Variants in PIAS1 observed in about 807,000 individuals in gnomAD.
PIAS1 encodes protein inhibitor of activated STAT 1.
Under a neutral mutation model 71.3 loss-of-function variants are expected in PIAS1, and 6 were observed. That is an observed-to-expected ratio of 0.08 (90% CI 0.05 to 0.17). The LOEUF is 0.17. PIAS1 is among the 10% of genes least tolerant of loss of function. The pLI is 1.00. For missense variants in PIAS1, 555 were observed against 793.6 expected (o/e 0.70, Z 3.61); for synonymous variants, 303 against 292.9 (o/e 1.03, Z -0.35).
intron 2 of PIAS1, among the ~76,000 whole-genome samples, chr15:68,106,926 A>G (rs1396048271): frequency 6.6e-6 from 1 of 152,194 alleles, no homozygotes; most frequent in African/African-American, 2.4e-5. Context: ...GGTTATATTT[A>G]GGGGCCACAT....
chr15:68,179,564 C>CTTTGTTTTTTTT (rs2093040146), intron 11 of PIAS1, among the ~76,000 whole-genome samples: 1 of 40,094 alleles, frequency 2.5e-5, no homozygotes, highest in Non-Finnish European at 4.4e-5. Flanking sequence ...GTGAAATGTT[C>CTTTGTTTTTTTT]TTTTTTTTTT....
chr15:68,111,264 A>G (rs2092520863), intron 2 of PIAS1, among the ~76,000 whole-genome samples: 1 of 152,186 alleles, frequency 6.6e-6, no homozygotes, highest in African/African-American at 2.4e-5. Flanking sequence ...TTCTGTGGTC[A>G]GAGGTAAGGG....
At chr15:68,077,829 C>T (rs1381935234) in intron 1 of PIAS1, among the ~76,000 whole-genome samples, 1 of 152,220 alleles carries the variant, frequency 6.6e-6, no homozygotes, top group African/African-American at 2.4e-5. Context: ...ACTCCTGTTA[C>T]TCGGAAATAG....
At chr15:68,124,401 TTTTTG>T (rs1355740009) in intron 2 of PIAS1, among the ~76,000 whole-genome samples, 1 of 113,272 alleles carries the variant, frequency 8.8e-6, no homozygotes, top group Non-Finnish European at 2.1e-5. Flanking sequence ...TTGTTGTTGT[TTTTTG>T]TTTTTTTTTT....
At chr15:68,057,816 A>G (rs2091912673) in intron 1 of PIAS1, among the ~76,000 whole-genome samples, 1 of 152,226 alleles carries the variant, frequency 6.6e-6, no homozygotes. Flanking sequence ...ACTCTACAGT[A>G]TAGTTTATAA....
At chr15:68,062,445 G>A (rs761382658) in intron 1 of PIAS1, among the ~76,000 whole-genome samples, 5 of 152,142 alleles carry the variant, frequency 3.3e-5, no homozygotes, top group Non-Finnish European at 7.4e-5. Context: ...ACAAAGTTGT[G>A]TAACCATTAA....
rs113533702 is a variant in PIAS1 at position 68,178,452 on chromosome 15, A to G, written c.1481+1798A>G. Among the ~76,000 whole-genome samples the G allele has an allele frequency of 1.1e-3, 161 of 152,298 alleles. No homozygotes were observed. The highest frequency in any genetic ancestry group is 3.5e-3 in the African/African-American group (146 of 41,554). On this transcript the variant is annotated intron_variant, in intron 11 of 13. Transcript: ENST00000249636. This position sits in a 1 kb window ranked among gnomAD's most constrained non-coding sequence, Gnocchi z 4.2. ...TGACCTCTGATAAAAGCCTATCTTG[A>G]TGGCTATAACCCAGCAAGCCTGACC...
At chr15:68,108,597 C>T (rs1259108495) in intron 2 of PIAS1, among the ~76,000 whole-genome samples, 2 of 152,130 alleles carry the variant, frequency 1.3e-5, no homozygotes, top group African/African-American at 4.8e-5. Flanking sequence ...GAGTTTCATC[C>T]GACTGCCTGC....
At chr15:68,139,346 T>C (rs1015861855) in intron 2 of PIAS1, among the ~76,000 whole-genome samples, 1 of 152,152 alleles carries the variant, frequency 6.6e-6, no homozygotes, top group Non-Finnish European at 1.5e-5. Context: ...CTAAAAGGGT[T>C]CAAACAGAGA....
At position 68,072,399 on chromosome 15, in the gene PIAS1, CAAAAAAAAA is replaced by C. The variant is rs1166484451; in HGVS notation, c.25-13886_25-13878del. On this transcript the variant is annotated intron_variant, in intron 1 of 13. Transcript: ENST00000249636. ...TGGGTGACAGAGCGAGACTCCATCTCAAAAAAAAAAAAAAAAAAAAAAAAAAAAAGAGTT... is the reference window on the plus strand; with the variant it reads ...TGGGTGACAGAGCGAGACTCCATCTCAAAAAAAAAAAAAAAAAAAAGAGTT... 5.6e-3 allele frequency among the ~76,000 whole-genome samples: 139 copies of C among 25,014 alleles called. 1 individual carries two copies. The highest frequency in any genetic ancestry group is 0.018 in the African/African-American group (134 of 7,492). The allele number at this position is 25,014 out of a possible 152,430, so 16.4% of individuals were successfully genotyped here.
At chr15:68,130,410 T>C (rs561734486) in intron 2 of PIAS1, among the ~76,000 whole-genome samples, 2 of 151,956 alleles carry the variant, frequency 1.3e-5, no homozygotes, top group Admixed American at 6.6e-5. Flanking sequence ...TTTCCAGATA[T>C]ATTAAACATT....
chr15:68,099,071 C>T (rs555781346), intron 2 of PIAS1, among the ~76,000 whole-genome samples: 317 of 152,016 alleles, frequency 2.1e-3, no homozygotes, highest in Middle Eastern at 0.014. Context: ...AAATTAACAG[C>T]GAAAATTTAT....
rs1362625911 is a variant in PIAS1 at position 68,183,177 on chromosome 15, A to G, written c.1625-453A>G. The stretch of plus-strand genomic sequence containing the variant: ...CTGATAGCAAATGAGCAAATTTAAG[A>G]AAGAAAAATCAGTACTACAACTTAC... On this transcript the variant is annotated intron_variant, in intron 12 of 13. Coordinates refer to ENST00000249636, the MANE Select transcript of PIAS1 (RefSeq NM_016166.3). Among the ~76,000 whole-genome samples the G allele has an allele frequency of 3.3e-5, 5 of 152,294 alleles. No individual in the cohort carries two copies. In the East Asian group the frequency reaches 9.7e-4, roughly 29 times the overall value.
intron 12 of PIAS1, 157 bp downstream of exon 12, chr15:68,181,511 TACTG>T: frequency 1.6e-6 from 1 of 635,114 alleles, no homozygotes; most frequent in Non-Finnish European, 2.7e-6. Context: ...TTGTTATAAA[TACTG>T]ACCCAGTTCG....
At chr15:68,088,864 T>G (rs891896891) in intron 2 of PIAS1, among the ~76,000 whole-genome samples, 3 of 152,226 alleles carry the variant, frequency 2.0e-5, no homozygotes, top group Non-Finnish European at 4.4e-5. Flanking sequence ...ATGATTATTT[T>G]TGCCGGTAGT....
chr15:68,107,841 A>T (rs1466281276), intron 2 of PIAS1, among the ~76,000 whole-genome samples: 1 of 152,112 alleles, frequency 6.6e-6, no homozygotes, highest in African/African-American at 2.4e-5. Flanking sequence ...TCCTATATAT[A>T]CCACCAGTAA....
At chr15:68,169,612 AT>A (rs1430491473) in intron 8 of PIAS1, among the ~76,000 whole-genome samples, 1 of 152,228 alleles carries the variant, frequency 6.6e-6, no homozygotes, top group Non-Finnish European at 1.5e-5. Context: ...TTCTCAAAAA[AT>A]ACAAAGATTA....
chr15:68,159,188 T>A (rs1445687436), intron 7 of PIAS1, among the ~76,000 whole-genome samples: 4 of 152,210 alleles, frequency 2.6e-5, no homozygotes, highest in Admixed American at 2.6e-4. Flanking sequence ...TTCCCACATG[T>A]TGACTGATTA....
At chr15:68,108,902 C>T (rs2092497405) in intron 2 of PIAS1, among the ~76,000 whole-genome samples, 1 of 152,170 alleles carries the variant, frequency 6.6e-6, no homozygotes, top group African/African-American at 2.4e-5. Flanking sequence ...TATCTCTCAC[C>T]TGGATTATTA....
Sources: gnomAD v4.1 joint callset for allele counts (sites outside exome capture counted in the v4.1 genomes callset) on GRCh38, gnomAD v4.1.1 for gene constraint, Gnocchi (gnomAD v3.1) non-coding constraint, MANE v1.5 for transcripts, NCBI Gene and HGNC (gene_info 2026-07-23, HGNC 2026-07-21) for gene names.